ARHGEF9: variants seen among roughly 807,000 people sequenced by gnomAD.
The protein encoded by ARHGEF9 is rho guanine nucleotide exchange factor 9.
ARHGEF9 carries 2 observed loss-of-function variants against 41.3 expected under a neutral mutation model. That is an observed-to-expected ratio of 0.05 (90% CI 0.02 to 0.15). ARHGEF9 has a LOEUF of 0.15. Ranked by LOEUF, ARHGEF9 falls within the 10% of genes least tolerant of loss-of-function variation. The probability of loss-of-function intolerance (pLI) is 1.00; values close to 1 mark genes in which losing one functional copy is unlikely to be tolerated. For synonymous variants in ARHGEF9, 160 were observed against 154.4 expected, an observed-to-expected ratio of 1.04 and a Z score of -0.27; for missense variants, 225 against 424.7, an observed-to-expected ratio of 0.53 and a Z score of 4.13.
chrX:63,648,566 G>C (rs1459735237), intron 8 of ARHGEF9, among the ~76,000 whole-genome samples: 35 of 111,312 alleles, frequency 3.1e-4, no homozygotes, highest in Middle Eastern at 4.6e-3. Flanking sequence ...AACCAGCTAA[G>C]ATCATAATGA....
chrX:63,722,410 G>GTT (rs782226432), intron 2 of ARHGEF9, among the ~76,000 whole-genome samples: 72 of 89,330 alleles, frequency 8.1e-4, no homozygotes, highest in African/African-American at 1.5e-3. Flanking sequence ...GTTGTTTTTT[G>GTT]TTTTTTTTTT....
rs781820263 is a variant in ARHGEF9 at position 63,637,129 on chromosome X, G to C, written c.*899C>G. 2.7e-5 allele frequency: 8 copies of C among 295,341 alleles called. No homozygotes were observed. The highest frequency in any genetic ancestry group is 6.2e-5 in the Admixed American group (1 of 16,162). The allele number at this position is 295,341 out of a possible 1,213,427, so 24.3% of individuals were successfully genotyped here. A position where few individuals can be genotyped will look rare whatever the true frequency, so the allele number is the denominator to read the frequency against. The stretch of plus-strand genomic sequence containing the variant: ...GTGACTTGAAAAAAGAGAATAACTC[G>C]ATCAAACTAACTCCTAGATGCAAAA... On this transcript the variant is annotated 3_prime_UTR_variant, in exon 10 of 10. Coordinates refer to ENST00000671741, the MANE Select transcript of ARHGEF9 (RefSeq NM_001353921.2).
intron 3 of ARHGEF9, among the ~76,000 whole-genome samples, chrX:63,699,487 C>A (rs1556392832): frequency 8.9e-6 from 1 of 111,768 alleles, no homozygotes; most frequent in African/African-American, 3.3e-5. Flanking sequence ...TCAACATCAG[C>A]ATAAAATATA....
At chrX:63,760,854 G>A (rs2056022282) in intron 1 of ARHGEF9, among the ~76,000 whole-genome samples, 1 of 111,888 alleles carries the variant, frequency 8.9e-6, no homozygotes, top group Non-Finnish European at 1.9e-5. Context: ...ACCTGAGAGT[G>A]TTTACATCAT....
At chrX:63,665,811 T>G in intron 7 of ARHGEF9, 75 bp downstream of exon 7, 2 of 1,155,523 alleles carry the variant, frequency 1.7e-6, no homozygotes, top group Non-Finnish European at 2.3e-6. Flanking sequence ...GTTGGGAGCC[T>G]GGGGATGATG....
chrX:63,671,754 G>A (rs2049974439), intron 6 of ARHGEF9, among the ~76,000 whole-genome samples: 1 of 112,568 alleles, frequency 8.9e-6, no homozygotes, highest in South Asian at 3.7e-4. Flanking sequence ...AGAATCGTCA[G>A]GGTTGTAGGG....
chrX:63,658,617 C>G (rs2049019624), intron 7 of ARHGEF9, among the ~76,000 whole-genome samples: 1 of 111,812 alleles, frequency 8.9e-6, no homozygotes, highest in Non-Finnish European at 1.9e-5. Flanking sequence ...GACTTGTCCA[C>G]CAAATACAGC....
intron 1 of ARHGEF9, among the ~76,000 whole-genome samples, chrX:63,738,563 C>T (rs112250448): frequency 0.024 from 2,690 of 110,384 alleles, 79 homozygotes; most frequent in African/African-American, 0.085. Flanking sequence ...CCTGAAGCAC[C>T]GCATTCCCCC....
chrX:63,684,864 T>A (rs2147371181), intron 4 of ARHGEF9, among the ~76,000 whole-genome samples: 1 of 108,175 alleles, frequency 9.2e-6, no homozygotes, highest in East Asian at 2.9e-4. Context: ...CATGAAATAA[T>A]CCAGTCACAG....
chrX:63,777,038 C>T lies in ARHGEF9; in HGVS notation c.30+8078G>A, dbSNP rs782641722. ...GAAACACTGCTCTATTTTGCACCCC[C>T]TATCTCCAGGAAGCATGTCATGTAT... On this transcript the variant is annotated intron_variant, in intron 1 of 9. Transcript: ENST00000671741. Among the ~76,000 whole-genome samples, 3 of 111,934 alleles carry T rather than the reference C, an allele frequency of 2.7e-5. No individual in the cohort carries two copies. The East Asian group carries it at 8.4e-4, about 31-fold the overall frequency.
intron 7 of ARHGEF9, chrX:63,656,589 C>T (rs2048892153): frequency 8.9e-6 from 1 of 111,789 alleles, no homozygotes; most frequent in African/African-American, 3.3e-5. Flanking sequence ...CATCCTAAAT[C>T]CTATGTTCAT....
At chrX:63,743,617 T>C (rs1341026878) in intron 1 of ARHGEF9, among the ~76,000 whole-genome samples, 1 of 112,446 alleles carries the variant, frequency 8.9e-6, no homozygotes, top group African/African-American at 3.2e-5. Context: ...GAACCTGCAA[T>C]TTCTAAAACA....
At chrX:63,706,003 G>A (rs2052520100) in intron 3 of ARHGEF9, among the ~76,000 whole-genome samples, 1 of 110,907 alleles carries the variant, frequency 9.0e-6, no homozygotes, top group African/African-American at 3.3e-5. Context: ...ACTAAGAAAG[G>A]GTAAAGACAG....
intron 1 of ARHGEF9, among the ~76,000 whole-genome samples, chrX:63,741,963 G>A (rs1199115413): frequency 1.8e-5 from 2 of 112,306 alleles, no homozygotes; most frequent in Non-Finnish European, 3.8e-5. Flanking sequence ...GTGAAGGTAC[G>A]GGCATAGAGC....
At chrX:63,763,410 C>T (rs1377558711) in intron 1 of ARHGEF9, among the ~76,000 whole-genome samples, 4 of 109,231 alleles carry the variant, frequency 3.7e-5, no homozygotes, top group Non-Finnish European at 7.6e-5. Flanking sequence ...ATGTTAAATC[C>T]ATTATGTGAT....
intron 5 of ARHGEF9, among the ~76,000 whole-genome samples, chrX:63,676,802 C>T (rs1255207334): frequency 1.8e-5 from 2 of 112,496 alleles, no homozygotes; most frequent in Non-Finnish European, 3.7e-5. Flanking sequence ...CATATTTAAT[C>T]AAAATTAAGT....
chrX:63,759,934 T>C (rs782619237), intron 1 of ARHGEF9, among the ~76,000 whole-genome samples: 1 of 111,591 alleles, frequency 9.0e-6, no homozygotes, highest in Non-Finnish European at 1.9e-5. Flanking sequence ...CTATTCTATA[T>C]AAATGCCAAT....
At chrX:63,696,156 T>A (rs1363996188) in intron 4 of ARHGEF9, among the ~76,000 whole-genome samples, 2 of 112,011 alleles carry the variant, frequency 1.8e-5, no homozygotes, top group Non-Finnish European at 3.8e-5. Flanking sequence ...ATAAGAGTGA[T>A]CTTAGGGAAC....
At chrX:63,761,690 G>T (rs1299845855) in intron 1 of ARHGEF9, among the ~76,000 whole-genome samples, 1 of 111,183 alleles carries the variant, frequency 9.0e-6, no homozygotes, top group Admixed American at 9.5e-5. Flanking sequence ...TGACATAGTT[G>T]CCACCCTAAA....
Sources: allele counts gnomAD v4.1 joint callset (sites outside exome capture counted in the v4.1 genomes callset), GRCh38; gene constraint gnomAD v4.1.1; transcripts MANE v1.5; gene names NCBI Gene and HGNC (gene_info 2026-07-23, HGNC 2026-07-21).